The following HTT variants were observed in gnomAD, a reference collection of about 807,000 sequenced individuals.
HTT encodes huntingtin.
HTT carries 104 observed loss-of-function variants against 362.3 expected under a neutral mutation model. The observed-to-expected ratio is 0.29, with a 90% CI of 0.24 to 0.34. The LOEUF (loss-of-function observed/expected upper bound fraction) is 0.34, where lower values mean the gene tolerates loss of function less well. Ranked by LOEUF, HTT falls within the 10% of genes least tolerant of loss-of-function variation. The probability of loss-of-function intolerance (pLI) is 1.00; values close to 1 mark genes in which losing one functional copy is unlikely to be tolerated. For synonymous variants in HTT, 1,577 were observed against 1,548.7 expected (o/e 1.02, Z -0.43); for missense variants, 3,301 against 3,928.6 (o/e 0.84, Z 4.27).
chr4:3,170,109 G>A (rs1717903680), intron 29 of HTT, among the ~76,000 whole-genome samples: 1 of 152,084 alleles, frequency 6.6e-6, no homozygotes, highest in Non-Finnish European at 1.5e-5. Flanking sequence ...TTGTATGGCT[G>A]CCAATTTTTT....
At chr4:3,169,631 T>G (rs1717878916) in intron 29 of HTT, among the ~76,000 whole-genome samples, 1 of 152,086 alleles carries the variant, frequency 6.6e-6, no homozygotes. Flanking sequence ...TGGAGTTTAG[T>G]GGTGCGATAT....
At chr4:3,225,636 A>G (rs2110291405) in intron 56 of HTT, 25 bp from the exon 57 acceptor site, 1 of 1,607,432 alleles carries the variant, frequency 6.2e-7, no homozygotes, top group South Asian at 1.1e-5. Context: ...GTGCAGATCA[A>G]GACTCAGGGT....
At chr4:3,211,301 T>C (rs528742365) in intron 47 of HTT, among the ~76,000 whole-genome samples, 39 of 152,346 alleles carry the variant, frequency 2.6e-4, no homozygotes, top group Non-Finnish European at 3.8e-4. Flanking sequence ...AATTTGCTAA[T>C]TGGGCTTTGA....
At chr4:3,140,403 G>T in intron 21 of HTT, 107 bp from the exon 22 acceptor site, 3 of 883,094 alleles carry the variant, frequency 3.4e-6, no homozygotes, top group South Asian at 3.3e-5. Flanking sequence ...AGTGGTGTCC[G>T]CTGGTAACCA....
chr4:3,121,415 G>GTAT lies in HTT; in HGVS notation c.1258_1260dup (p.Ile420dup). ...TCTGGTGGCCGAAGCCGTAGTGGGA[G>GTAT]TATTGTGGAACTTATAGGCAAGTTA... is the stretch of plus-strand genomic sequence containing the variant. On this transcript the variant is annotated inframe_insertion, in exon 9 of 67. Coordinates refer to ENST00000355072, the MANE Select transcript of HTT (RefSeq NM_001388492.1). 6.2e-7 allele frequency: 1 copy of GTAT among 1,613,522 alleles called. No homozygotes were observed. The highest frequency in any genetic ancestry group is 2.2e-5 in the East Asian group (1 of 44,878).
chr4:3,121,694 C>CAA (rs1019406950), intron 9 of HTT: 30 of 39,676 alleles, frequency 7.6e-4, no homozygotes, highest in East Asian at 2.8e-3. Context: ...CCTGTCTCTA[C>CAA]AAAAAAAAAA....
intron 6 of HTT, among the ~76,000 whole-genome samples, chr4:3,108,907 A>T (rs187683427): frequency 4.5e-4 from 68 of 152,096 alleles, no homozygotes; most frequent in Non-Finnish European, 8.8e-4. Context: ...AATTAGCTGG[A>T]CATGATGGCA....
chr4:3,087,770 A>G (rs1442901907), intron 2 of HTT, among the ~76,000 whole-genome samples: 1 of 152,232 alleles, frequency 6.6e-6, no homozygotes, highest in Admixed American at 6.5e-5. Flanking sequence ...GAAGCTAGAA[A>G]AAGCCTTTAT....
chr4:3,234,227 C>G (rs1379683286), intron 61 of HTT, among the ~76,000 whole-genome samples: 1 of 152,254 alleles, frequency 6.6e-6, no homozygotes, highest in Non-Finnish European at 1.5e-5. Flanking sequence ...CGGTGGCCGT[C>G]TGGCAGGATT....
At position 3,130,001 on chromosome 4, in the gene HTT, T is replaced by G; in HGVS notation, c.1821T>G (p.Gly607=). Residue 607 remains glycine, a synonymous_variant, in exon 13 of 67, where the codon GGT becomes GGG. Coordinates refer to ENST00000355072, the MANE Select transcript of HTT (RefSeq NM_001388492.1). ...QPQDEDEEAT[G]ILPDEASEAF... is the part of the protein sequence containing the mutation. ...AGGATGAAGATGAGGAAGCCACAGGTATTCTTCCTGATGAAGCCTCGGAGG... is the reference window on the plus strand; with the variant it reads ...AGGATGAAGATGAGGAAGCCACAGGGATTCTTCCTGATGAAGCCTCGGAGG... 6.2e-7 allele frequency: 1 copy of G among 1,613,548 alleles called. No homozygotes were observed. The highest frequency in any genetic ancestry group is 1.1e-5 in the South Asian group (1 of 91,006).
chr4:3,086,800 C>T, intron 1 of HTT, 139 bp from the exon 2 acceptor site: 1 of 545,870 alleles, frequency 1.8e-6, no homozygotes, highest in South Asian at 2.7e-5. Flanking sequence ...GTCCAGATCC[C>T]CATTCTGCCC....
intron 8 of HTT, among the ~76,000 whole-genome samples, chr4:3,116,644 C>T (rs1319553907): frequency 6.6e-6 from 1 of 152,190 alleles, no homozygotes; most frequent in East Asian, 1.9e-4. Flanking sequence ...GCAGCTTCTG[C>T]CCCGTGGAGG....
chr4:3,218,547 C>T lies in HTT; in HGVS notation c.7242+595C>T, dbSNP rs1322990103. Reference sequence around the variant, plus strand: ...ACTCAGGAGACTGAGACAGGAGAATCGCTTGAACCCAGGAGGCGAAGGTTG... The same window carrying T: ...ACTCAGGAGACTGAGACAGGAGAATTGCTTGAACCCAGGAGGCGAAGGTTG... On this transcript the variant is annotated intron_variant, in intron 52 of 66. Transcript: ENST00000355072. The surrounding 1 kb of genome is among the most constrained non-coding windows in gnomAD (Gnocchi z 4.4). Among the ~76,000 whole-genome samples the T allele has an allele frequency of 2.6e-5, 4 of 151,916 alleles. No homozygotes were observed. The highest frequency in any genetic ancestry group is 7.3e-5 in the African/African-American group (3 of 41,342).
chr4:3,083,721 T>G (rs540681296), intron 1 of HTT, among the ~76,000 whole-genome samples: 6 of 152,182 alleles, frequency 3.9e-5, no homozygotes, highest in African/African-American at 4.8e-5. Context: ...GAAAACAGTT[T>G]GGCAGTTTGT....
chr4:3,106,710 G>C (rs914527396), intron 5 of HTT, among the ~76,000 whole-genome samples: 2 of 152,070 alleles, frequency 1.3e-5, no homozygotes, highest in Admixed American at 6.6e-5. Flanking sequence ...GTTCTCAGCG[G>C]AACAGTCACT....
At chr4:3,112,418 C>G (rs1714801274) in intron 6 of HTT, among the ~76,000 whole-genome samples, 1 of 152,202 alleles carries the variant, frequency 6.6e-6, no homozygotes, top group Admixed American at 6.5e-5. Flanking sequence ...CTCCCCTATT[C>G]CCCCGTCACT....
In HTT at chr4:3,091,091, G is replaced by A. The variant is rs181980776; in HGVS notation, c.347+4069G>A. ...CGCACCACTGCATTCCAGCCTGGGC[G>A]ACAAGAGCAAAATTCTGTCTCAAGA... On this transcript the variant is annotated intron_variant, in intron 2 of 66. Transcript: ENST00000355072. Among the ~76,000 whole-genome samples the A allele has an allele frequency of 3.4e-3, 520 of 152,188 alleles. 1 individual carries two copies. Among genetic ancestry groups the A allele is most frequent in the African/African-American group, 0.012 (506 of 41,518 alleles).
At position 3,127,392 on chromosome 4, in the gene HTT, G is replaced by T; in HGVS notation, c.1531G>T (p.Asp511Tyr). The T allele has an allele frequency of 6.2e-7, 1 of 1,614,164 alleles. No individual in the cohort carries two copies. Among genetic ancestry groups the T allele is most frequent in the Non-Finnish European group, 8.5e-7 (1 of 1,180,046 alleles). Reference sequence around the variant, plus strand: ...GCACACACTGCAGGCGGACTCAGTGGATCTGGCCAGCTGTGACTTGACAAG... The same window carrying T: ...GCACACACTGCAGGCGGACTCAGTGTATCTGGCCAGCTGTGACTTGACAAG... ...SQHTLQADSVDLASCDLTSSA... is the reference protein window; with the variant it reads ...SQHTLQADSVYLASCDLTSSA... The change falls in exon 12 of 67, where the codon GAT becomes TAT. Residue 511 changes from aspartate to tyrosine, a missense_variant. By Grantham distance (160) the Asp-to-Tyr change is radical. Coordinates refer to ENST00000355072, the MANE Select transcript of HTT (RefSeq NM_001388492.1).
intron 32 of HTT, 52 bp from the exon 33 acceptor site, chr4:3,174,894 T>G: frequency 6.4e-7 from 1 of 1,554,702 alleles, no homozygotes. Flanking sequence ...CTTGAAGCTT[T>G]TAGTTGAAGG....
Sources: gnomAD v4.1 joint callset for allele counts (sites outside exome capture counted in the v4.1 genomes callset) on GRCh38, gnomAD v4.1.1 for gene constraint, Gnocchi (gnomAD v3.1) non-coding constraint, MANE v1.5 for transcripts, NCBI Gene and HGNC (gene_info 2026-07-23, HGNC 2026-07-21) for gene names.